The following AHI1 variants were observed in gnomAD, a reference collection of about 807,000 sequenced individuals.
AHI1 encodes jouberin.
Under a neutral mutation model 149.3 loss-of-function variants are expected in AHI1, and 123 were observed. The ratio of observed to expected loss-of-function variants is 0.82; its 90% CI spans 0.71 to 0.96. The LOEUF (loss-of-function observed/expected upper bound fraction) is 0.96, where lower values mean the gene tolerates loss of function less well. AHI1 is among the 40% of genes least tolerant of loss of function. The probability of loss-of-function intolerance (pLI) is 0.00; values close to 1 mark genes in which losing one functional copy is unlikely to be tolerated. For missense variants in AHI1, 1,439 were observed against 1,422.7 expected (o/e 1.01, Z -0.18); for synonymous variants, 475 against 459.8 (o/e 1.03, Z -0.42).
chr6:135,455,987 T>A, intron 9 of AHI1, 61 bp from the exon 10 acceptor site: 1 of 1,196,410 alleles, frequency 8.4e-7, no homozygotes, highest in Non-Finnish European at 1.1e-6. Flanking sequence ...GAGAAAAAAA[T>A]ATATAGTGTA....
At chr6:135,363,622 C>T (rs1208031158) in intron 23 of AHI1, among the ~76,000 whole-genome samples, 7 of 149,776 alleles carry the variant, frequency 4.7e-5, no homozygotes, top group South Asian at 2.1e-4. Flanking sequence ...CCAGTAGGGG[C>T]GGCCGGGCAG....
chr6:135,370,484 C>A (rs1458831374), intron 23 of AHI1, among the ~76,000 whole-genome samples: 2 of 152,178 alleles, frequency 1.3e-5, no homozygotes, highest in African/African-American at 2.4e-5. Context: ...TCCACATAGT[C>A]CTTAGAAGTT....
At chr6:135,285,835 A>T (rs1369007360) in intron 28 of AHI1, among the ~76,000 whole-genome samples, 188 bp from the exon 29 acceptor site, 1 of 152,256 alleles carries the variant, frequency 6.6e-6, no homozygotes, top group African/African-American at 2.4e-5. Flanking sequence ...CCTCTCAAAC[A>T]TTGTTAGCAT....
chr6:135,327,694 A>G (rs763596581), intron 24 of AHI1, among the ~76,000 whole-genome samples: 1 of 151,854 alleles, frequency 6.6e-6, no homozygotes, highest in Non-Finnish European at 1.5e-5. Context: ...ACCACCCCCT[A>G]CCTTTCTGAC....
chr6:135,298,378 G>A (rs9483826), intron 27 of AHI1, among the ~76,000 whole-genome samples: 33,446 of 149,420 alleles, frequency 0.22, 9,865 homozygotes, highest in African/African-American at 0.68. Context: ...GTGGAAAGTA[G>A]TAAGAGGCTG....
chr6:135,308,246 T>G (rs1784753469), intron 26 of AHI1, among the ~76,000 whole-genome samples: 2 of 152,202 alleles, frequency 1.3e-5, no homozygotes, highest in Admixed American at 1.3e-4. Flanking sequence ...CCTCCGCTTT[T>G]TTTTTGTGAC....
chr6:135,333,617 T>G (rs190240585), intron 24 of AHI1, among the ~76,000 whole-genome samples: 2 of 152,348 alleles, frequency 1.3e-5, no homozygotes, highest in Admixed American at 1.3e-4. Context: ...TGCTGTATAA[T>G]GCAACGATAA....
intron 24 of AHI1, among the ~76,000 whole-genome samples, chr6:135,344,440 A>G (rs1790858624): frequency 6.6e-6 from 1 of 151,334 alleles, no homozygotes; most frequent in South Asian, 2.1e-4. Flanking sequence ...CTATATAGGT[A>G]TATTTATATA....
rs766073266 is a variant in AHI1, at chr6:135,420,424, C to T, written c.2764+6743G>A. On this transcript the variant is annotated intron_variant, in intron 20 of 28. Coordinates refer to ENST00000265602, the MANE Select transcript of AHI1 (RefSeq NM_001134831.2). Reference sequence around the variant, plus strand: ...CTATGAAACTACTGGAGGGCATCTTCCTCCATTAGAAAGCTGCTTCATCTC... The same window carrying T: ...CTATGAAACTACTGGAGGGCATCTTTCTCCATTAGAAAGCTGCTTCATCTC... Among the ~76,000 whole-genome samples the T allele has an allele frequency of 9.0e-4, 137 of 152,272 alleles. No homozygotes were observed. The Middle Eastern group carries it at 0.01, about 11-fold the overall frequency.
intron 23 of AHI1, among the ~76,000 whole-genome samples, chr6:135,366,656 C>T (rs1332804543): frequency 2.0e-5 from 3 of 152,064 alleles, no homozygotes; most frequent in African/African-American, 7.2e-5. Flanking sequence ...TCTAATTGAG[C>T]TTATTTGGAT....
chr6:135,476,907 C>A (rs939444768), intron 5 of AHI1, among the ~76,000 whole-genome samples: 1 of 152,132 alleles, frequency 6.6e-6, no homozygotes, highest in African/African-American at 2.4e-5. Context: ...GTCTTATTTG[C>A]CAATCTGACA....
chr6:135,493,749 C>CA lies in AHI1; in HGVS notation c.-54-1459dup, dbSNP rs1463776022. Reference sequence around the variant, plus strand: ...GACCTATATTATGACTATGATTCATCAAAAAAAAGCCTGCTGGGCGCCGTG... The same window carrying CA: ...GACCTATATTATGACTATGATTCATCAAAAAAAAAGCCTGCTGGGCGCCGTG... On this transcript the variant is annotated intron_variant, in intron 3 of 28. Coordinates refer to ENST00000265602, the MANE Select transcript of AHI1 (RefSeq NM_001134831.2). Among the ~76,000 whole-genome samples the CA allele has an allele frequency of 1.1e-4, 17 of 151,718 alleles. No homozygotes were observed. The South Asian group carries it at 1.7e-3, about 15-fold the overall frequency.
chr6:135,380,979 A>T (rs2128467659), intron 23 of AHI1, among the ~76,000 whole-genome samples: 1 of 152,322 alleles, frequency 6.6e-6, no homozygotes, highest in South Asian at 2.1e-4. Flanking sequence ...AGTTATTTTT[A>T]AAAATATGCT....
chr6:135,396,323 C>G (rs1380593826), intron 22 of AHI1, among the ~76,000 whole-genome samples: 1 of 151,768 alleles, frequency 6.6e-6, no homozygotes, highest in African/African-American at 2.4e-5. Context: ...CATTTGATAT[C>G]TTTGAGCTTC....
At chr6:135,490,029 G>A in intron 5 of AHI1, 2 of 606,230 alleles carry the variant, frequency 3.3e-6, no homozygotes, top group Non-Finnish European at 5.9e-6. Context: ...AGGGCATAGA[G>A]CATTAACTGT....
At position 135,495,899 on chromosome 6, in the gene AHI1, C is replaced by T. The variant is rs914770118; in HGVS notation, c.-139-1G>A. 1 of 152,012 alleles carries T rather than the reference C, an allele frequency of 6.6e-6. No individual in the cohort carries two copies. The highest frequency in any genetic ancestry group is 1.5e-5 in the Non-Finnish European group (1 of 68,024). The allele number at this position is 152,012 out of a possible 1,614,324, so 9.4% of individuals were successfully genotyped here. On this transcript the variant is annotated splice_acceptor_variant, in intron 2 of 28. Coordinates refer to ENST00000265602, the MANE Select transcript of AHI1 (RefSeq NM_001134831.2). LOFTEE classifies it low-confidence loss of function (5UTR_SPLICE). Reference sequence around the variant, plus strand: ...ATTTAAAATGGCACCTATTTTAGTACTGTAAGGAGAAGAGAAAATACCAAA... The same window carrying T: ...ATTTAAAATGGCACCTATTTTAGTATTGTAAGGAGAAGAGAAAATACCAAA...
intron 14 of AHI1, among the ~76,000 whole-genome samples, chr6:135,440,535 C>T (rs1465874519): frequency 6.6e-6 from 1 of 152,134 alleles, no homozygotes; most frequent in Non-Finnish European, 1.5e-5. Context: ...ACAGGCTTTA[C>T]TTCTCACTCG....
intron 22 of AHI1, among the ~76,000 whole-genome samples, chr6:135,400,572 GAC>G (rs1400942677): frequency 1.3e-5 from 2 of 152,124 alleles, no homozygotes; most frequent in Non-Finnish European, 2.9e-5. Flanking sequence ...AATTTAAAGA[GAC>G]AGAAAAAGAG....
intron 24 of AHI1, among the ~76,000 whole-genome samples, chr6:135,329,840 A>T (rs1050450890): frequency 6.6e-6 from 1 of 152,204 alleles, no homozygotes; most frequent in Non-Finnish European, 1.5e-5. Flanking sequence ...AATTGTCAAC[A>T]TTAACAGGGG....
Sources: gnomAD v4.1 joint callset for allele counts (sites outside exome capture counted in the v4.1 genomes callset) on GRCh38, gnomAD v4.1.1 for gene constraint, MANE v1.5 for transcripts, NCBI Gene and HGNC (gene_info 2026-07-23, HGNC 2026-07-21) for gene names.